DOCK4: variants seen among roughly 807,000 people sequenced by gnomAD.
DOCK4 encodes dedicator of cytokinesis 4.
DOCK4 carries 97 observed loss-of-function variants against 268.1 expected under a neutral mutation model. That is an observed-to-expected ratio of 0.36 (90% CI 0.31 to 0.43). The LOEUF (loss-of-function observed/expected upper bound fraction) is 0.43, where lower values mean the gene tolerates loss of function less well. Among genes scored for constraint, DOCK4 ranks in the 20% least tolerant of loss-of-function variants. The pLI is 1.00. For synonymous variants in DOCK4, 954 were observed against 887.2 expected, an observed-to-expected ratio of 1.08 and a Z score of -1.34; for missense variants, 2,145 against 2,455.7, an observed-to-expected ratio of 0.87 and a Z score of 2.67.
chr7:111,837,748 T>C (rs1378792403), intron 25 of DOCK4, among the ~76,000 whole-genome samples: 1 of 152,092 alleles, frequency 6.6e-6, no homozygotes, highest in Non-Finnish European at 1.5e-5. Flanking sequence ...TTAAAAAAAA[T>C]GAAGATATTA....
At chr7:111,964,084 A>G (rs1797179453) in intron 8 of DOCK4, among the ~76,000 whole-genome samples, 2 of 147,642 alleles carry the variant, frequency 1.4e-5, no homozygotes, top group Admixed American at 1.3e-4. Flanking sequence ...GACCAAAAGT[A>G]GATAAAACCA....
chr7:111,922,796 T>C (rs1451945210), intron 12 of DOCK4, among the ~76,000 whole-genome samples: 7 of 152,114 alleles, frequency 4.6e-5, no homozygotes, highest in Non-Finnish European at 4.4e-5. Context: ...TTAGCCAGTA[T>C]GGTCTCGATC....
At position 111,834,516 on chromosome 7, in the gene DOCK4, T is replaced by A. The variant is rs117179227; in HGVS notation, c.2835+72A>T. The A allele has an allele frequency of 2.1e-3, 2,421 of 1,164,848 alleles. 31 individuals are homozygous for A. The highest frequency in any genetic ancestry group is 0.019 in the South Asian group (1,320 of 68,190). The allele number at this position is 1,164,848 out of a possible 1,614,324, so 72.2% of individuals were successfully genotyped here. On this transcript the variant is annotated intron_variant, in intron 26 of 52. Coordinates refer to ENST00000428084, the MANE Select transcript of DOCK4 (RefSeq NM_001363540.2). ...GTAAAGCAATTGTCTAGGATTTATC[T>A]CAACAGTGATGAATAAAAACAAGAT...
intron 30 of DOCK4, among the ~76,000 whole-genome samples, chr7:111,800,239 GCAA>G (rs1303248517): frequency 3.4e-5 from 5 of 147,966 alleles, no homozygotes; most frequent in South Asian, 2.1e-4. Flanking sequence ...AAAAAAAACA[GCAA>G]CAACAACAAC....
intron 1 of DOCK4, among the ~76,000 whole-genome samples, chr7:112,123,028 G>C (rs940013349): frequency 6.6e-6 from 1 of 152,186 alleles, no homozygotes. Context: ...TATACACAGG[G>C]AGAACCACAA....
At chr7:112,186,898 CAA>C (rs1429689022) in intron 1 of DOCK4, among the ~76,000 whole-genome samples, 1 of 151,948 alleles carries the variant, frequency 6.6e-6, no homozygotes, top group Non-Finnish European at 1.5e-5. Context: ...ATTAGACAAA[CAA>C]AAGTCACCCA....
chr7:112,150,005 C>T (rs956792136), intron 1 of DOCK4, among the ~76,000 whole-genome samples: 5 of 152,150 alleles, frequency 3.3e-5, no homozygotes, highest in South Asian at 4.1e-4. Flanking sequence ...ACTGTCTTAT[C>T]GAATCCTTCC....
chr7:112,131,973 A>G (rs1308180381), intron 1 of DOCK4, among the ~76,000 whole-genome samples: 2 of 152,188 alleles, frequency 1.3e-5, no homozygotes, highest in Admixed American at 1.3e-4. Context: ...AGAAGAAAAA[A>G]GGGATCCCTT....
intron 7 of DOCK4, 63 bp from the exon 8 acceptor site, chr7:111,977,346 C>T: frequency 6.5e-7 from 1 of 1,532,736 alleles, no homozygotes; most frequent in Non-Finnish European, 8.8e-7. Flanking sequence ...CAGGACCCAA[C>T]AAACTAGTTA....
chr7:111,822,377 C>A lies in DOCK4; in HGVS notation c.2915G>T (p.Arg972Leu), dbSNP rs750882888. ...AATGTCTTACTTGTTAGCAACCAAGCGCATAACAGTCCAGTCCTTTGGAAA... is the reference window on the plus strand; with the variant it reads ...AATGTCTTACTTGTTAGCAACCAAGAGCATAACAGTCCAGTCCTTTGGAAA... ...EMFPKDWTVM[R>L]LVANNVIITT... is the part of the protein sequence containing the mutation. Residue 972 changes from arginine to leucine, a missense_variant, in exon 27 of 53, where the codon CGC (arginine) becomes CTC (leucine). Physicochemically the swap from Arg to Leu is moderately radical, Grantham distance 102 (BLOSUM62 -2). Coordinates refer to ENST00000428084, the MANE Select transcript of DOCK4 (RefSeq NM_001363540.2). 1.9e-6 allele frequency: 3 copies of A among 1,612,956 alleles called. No homozygotes were observed. Among genetic ancestry groups the A allele is most frequent in the Non-Finnish European group, 2.5e-6 (3 of 1,179,318 alleles).
At chr7:112,147,795 A>ATTTTTT (rs553280609) in intron 1 of DOCK4, among the ~76,000 whole-genome samples, 6 of 102,890 alleles carry the variant, frequency 5.8e-5, no homozygotes, top group African/African-American at 1.5e-4. Context: ...GCAAACGTAG[A>ATTTTTT]TTTTTTTTTT....
chr7:111,944,397 C>G (rs574671604), intron 10 of DOCK4, among the ~76,000 whole-genome samples: 1 of 152,064 alleles, frequency 6.6e-6, no homozygotes, highest in Non-Finnish European at 1.5e-5. Flanking sequence ...GAATAACGCT[C>G]TGAAGCATTC....
chr7:112,182,637 T>C (rs1819157191), intron 1 of DOCK4, among the ~76,000 whole-genome samples: 1 of 152,238 alleles, frequency 6.6e-6, no homozygotes, highest in Non-Finnish European at 1.5e-5. Flanking sequence ...GCAAAGCCTC[T>C]TGTCACTAAG....
chr7:111,898,394 T>C (rs1304940737), intron 15 of DOCK4, among the ~76,000 whole-genome samples: 1 of 152,228 alleles, frequency 6.6e-6, no homozygotes, highest in Non-Finnish European at 1.5e-5. Context: ...CTGTGTAAAA[T>C]AGCAACACAG....
intron 13 of DOCK4, among the ~76,000 whole-genome samples, chr7:111,907,894 A>G (rs969209143): frequency 6.6e-6 from 1 of 151,936 alleles, no homozygotes; most frequent in African/African-American, 2.4e-5. Context: ...ATGCCTGGCT[A>G]ATTTTTGTAT....
intron 50 of DOCK4, among the ~76,000 whole-genome samples, chr7:111,736,650 T>A (rs1320995076): frequency 2.0e-5 from 3 of 152,172 alleles, no homozygotes; most frequent in African/African-American, 4.8e-5. Flanking sequence ...AGGCATTGCC[T>A]GGGTGACTCA....
intron 1 of DOCK4, among the ~76,000 whole-genome samples, chr7:112,070,683 TA>T (rs892544316): frequency 4.7e-5 from 7 of 150,372 alleles, no homozygotes; most frequent in East Asian, 3.9e-4. Context: ...AATGAACCAC[TA>T]AAAAAAAACT....
At chr7:112,087,592 G>T (rs1809215267) in intron 1 of DOCK4, among the ~76,000 whole-genome samples, 1 of 152,060 alleles carries the variant, frequency 6.6e-6, no homozygotes, top group Non-Finnish European at 1.5e-5. Context: ...GGAAAAAAAT[G>T]AGAGATTTAA....
In DOCK4 at chr7:112,181,693, A is replaced by C. The variant is rs554262541; in HGVS notation, c.37+24409T>G. On this transcript the variant is annotated intron_variant, in intron 1 of 52. Coordinates refer to ENST00000428084, the MANE Select transcript of DOCK4 (RefSeq NM_001363540.2). ...CTGAAAACCAGAAGAGGAACTATTT[A>C]AATAAAGTATGATACGTTCCCACTG... 5.2e-3 allele frequency among the ~76,000 whole-genome samples: 782 copies of C among 150,778 alleles called. 8 individuals are homozygous for C. Among genetic ancestry groups the C allele is most frequent in the African/African-American group, 0.018 (741 of 41,208 alleles).
Sources: allele counts gnomAD v4.1 joint callset (sites outside exome capture counted in the v4.1 genomes callset), GRCh38; gene constraint gnomAD v4.1.1; transcripts MANE v1.5; gene names NCBI Gene and HGNC (gene_info 2026-07-23, HGNC 2026-07-21).